Variants in STON2 observed in about 807,000 individuals in gnomAD.
STON2 encodes stonin 2.
A neutral mutation model predicts 65.7 loss-of-function variants in STON2; 29 were observed. That is an observed-to-expected ratio of 0.44 (90% confidence interval 0.33 to 0.60). STON2 has a LOEUF of 0.60. STON2 is among the 20% of genes least tolerant of loss of function. The pLI is 0.03. For synonymous variants in STON2, 404 were observed against 414.2 expected (o/e 0.98, Z 0.30); for missense variants, 1,054 against 1,118.1 (o/e 0.94, Z 0.82).
rs1224718076 is a variant in STON2 at position 81,263,610 on chromosome 14, G to C, written c.*4804C>G. ...GCCATGTTTTTAAAGCTCATCAGCT[G>C]TTGTTACTGTATTTTATGTGTGACC... On this transcript the variant is annotated 3_prime_UTR_variant, in exon 8 of 8. Transcript: ENST00000614646. The C allele has an allele frequency of 5.7e-6, 2 of 352,018 alleles. No homozygotes were observed. Among genetic ancestry groups the C allele is most frequent in the Non-Finnish European group, 7.9e-6 (2 of 251,908 alleles). 21.8% of individuals were successfully genotyped at this position (352,018 alleles called of 1,614,324 possible).
chr14:81,401,276 A>G (rs1175604316), upstream of STON2, among the ~76,000 whole-genome samples: 1 of 152,210 alleles, frequency 6.6e-6, no homozygotes, highest in Non-Finnish European at 1.5e-5. Context: ...TACCAAGACC[A>G]TTCCTCAGAA....
At chr14:81,321,233 T>C (rs538492937) in intron 5 of STON2, among the ~76,000 whole-genome samples, 1 of 152,046 alleles carries the variant, frequency 6.6e-6, no homozygotes, top group Non-Finnish European at 1.5e-5. Context: ...TCAAATTCTT[T>C]AAATGTTTAC....
At chr14:81,372,002 G>C (rs936263657) in intron 3 of STON2, among the ~76,000 whole-genome samples, 3 of 152,132 alleles carry the variant, frequency 2.0e-5, no homozygotes, top group Admixed American at 2.0e-4. Context: ...ACTGTAACTG[G>C]AGATTCTGCT....
At chr14:81,325,567 C>A (rs766516412) in intron 4 of STON2, among the ~76,000 whole-genome samples, 1 of 152,032 alleles carries the variant, frequency 6.6e-6, no homozygotes, top group Non-Finnish European at 1.5e-5. Context: ...CCAGAGGTAA[C>A]CACTGTTAGC....
intron 1 of STON2, among the ~76,000 whole-genome samples, chr14:81,434,931 T>C (rs1007385007): frequency 1.3e-5 from 2 of 152,154 alleles, no homozygotes; most frequent in East Asian, 3.8e-4. Context: ...ACTGGCATTT[T>C]TGCTGTGTGG....
chr14:81,287,772 C>T (rs1294330822), intron 5 of STON2, among the ~76,000 whole-genome samples: 1 of 152,190 alleles, frequency 6.6e-6, no homozygotes, highest in Non-Finnish European at 1.5e-5. Flanking sequence ...CTTCCCCATG[C>T]TCTCCCCAAT....
chr14:81,325,270 T>C (rs542166798), intron 4 of STON2, among the ~76,000 whole-genome samples: 3 of 152,260 alleles, frequency 2.0e-5, no homozygotes, highest in African/African-American at 7.2e-5. Context: ...AGGGGGAAAA[T>C]GTACTATATA....
chr14:81,406,426 A>G (rs980058113), intron 2 of STON2, among the ~76,000 whole-genome samples: 2 of 152,146 alleles, frequency 1.3e-5, no homozygotes, highest in African/African-American at 4.8e-5. Context: ...AAGTTGTATT[A>G]TTAGTATATT....
intron 5 of STON2, among the ~76,000 whole-genome samples, chr14:81,283,199 C>T (rs573718222): frequency 5.6e-4 from 85 of 152,016 alleles, no homozygotes; most frequent in Non-Finnish European, 1.1e-3. Context: ...AATGTTAGGC[C>T]GCAATCTATT....
rs1478521981 is a variant in STON2, at chr14:81,265,911, GCTGGGATGAGCTTCATTTCC to G, written c.*2483_*2502del. On this transcript the variant is annotated 3_prime_UTR_variant, in exon 8 of 8. Transcript: ENST00000614646. ...CTAAGCGTGAGTGACTAAGGAAGGT[GCTGGGATGAGCTTCATTTCC>G]CTTGCCAACTCTCCAATCCATTTAG... The G allele has an allele frequency of 4.1e-6, 4 of 985,224 alleles. No homozygotes were observed. The highest frequency in any genetic ancestry group is 4.8e-6 in the Non-Finnish European group (4 of 829,928). The allele number at this position is 985,224 out of a possible 1,614,324, so 61.0% of individuals were successfully genotyped here.
rs35945541 is a variant in STON2 at position 81,266,815 on chromosome 14, TAAACACACAC to T, written c.*1589_*1598del. 783,793 of 982,850 alleles carry T rather than the reference TAAACACACAC, an allele frequency of 0.8. 314,554 individuals carry two copies. Among genetic ancestry groups the T allele is most frequent in the African/African-American group, 0.95 (54,137 of 57,136 alleles). 60.9% of individuals were successfully genotyped at this position (982,850 alleles called of 1,614,324 possible). On this transcript the variant is annotated 3_prime_UTR_variant, in exon 8 of 8. Transcript: ENST00000614646. ...ACCGTTCCCATCAACACCACACACA[TAAACACACAC>T]AAACACACACATCCACAAACACACA...
intron 5 of STON2, among the ~76,000 whole-genome samples, chr14:81,281,126 T>C (rs770422852): frequency 1.3e-5 from 2 of 152,110 alleles, no homozygotes; most frequent in Non-Finnish European, 2.9e-5. Flanking sequence ...CGAAAAGCAT[T>C]TTCTATATCT....
chr14:81,304,328 C>A (rs1343004314), intron 5 of STON2, among the ~76,000 whole-genome samples: 1 of 152,176 alleles, frequency 6.6e-6, no homozygotes, highest in East Asian at 1.9e-4. Flanking sequence ...TTGATCCTTT[C>A]AACAACCCTG....
At chr14:81,268,883 G>A (rs1029890555) in intron 7 of STON2, among the ~76,000 whole-genome samples, 2 of 152,182 alleles carry the variant, frequency 1.3e-5, no homozygotes, top group Non-Finnish European at 2.9e-5. Context: ...CACAAGACAT[G>A]GGCAGGATCT....
chr14:81,270,229 G>T, intron 7 of STON2: 1 of 404,594 alleles, frequency 2.5e-6, no homozygotes, highest in Non-Finnish European at 3.3e-6. Flanking sequence ...TGGACTACAT[G>T]CACAGGCCAC....
At chr14:81,270,385 C>T (rs207475009) in intron 7 of STON2, 2 of 1,374,658 alleles carry the variant, frequency 1.5e-6, no homozygotes, top group African/African-American at 1.5e-5. Flanking sequence ...GTGCCTGGCC[C>T]CCATTATTCT....
chr14:81,352,574 C>T (rs1275142939), intron 4 of STON2, among the ~76,000 whole-genome samples: 2 of 152,154 alleles, frequency 1.3e-5, no homozygotes, highest in African/African-American at 4.8e-5. Context: ...CCTGAGGGCC[C>T]AGCCACAGGA....
rs770770407 is a variant in STON2, at chr14:81,413,721, G to A, written c.-199+13381C>T. 8.6e-5 allele frequency among the ~76,000 whole-genome samples: 12 copies of A among 139,006 alleles called. 3 individuals are homozygous for A. The highest frequency in any genetic ancestry group is 1.5e-4 in the Non-Finnish European group (10 of 66,818). 91.2% of individuals were successfully genotyped at this position (139,006 alleles called of 152,430 possible). On this transcript the variant is annotated intron_variant, in intron 2 of 8. Transcript: ENST00000553821. Reference sequence around the variant, plus strand: ...TGAGGCAGGAGAACTGCTTGAACCCGGGAGGTGGAGGTTGCAGTGGGCAGA... The same window carrying A: ...TGAGGCAGGAGAACTGCTTGAACCCAGGAGGTGGAGGTTGCAGTGGGCAGA...
chr14:81,341,446 G>GTT (rs748642462), intron 4 of STON2, among the ~76,000 whole-genome samples: 2,043 of 115,154 alleles, frequency 0.018, 60 homozygotes, highest in South Asian at 0.044. Flanking sequence ...TTTTATAAGT[G>GTT]TTTTTTTTTT....
Sources: allele counts gnomAD v4.1 joint callset (sites outside exome capture counted in the v4.1 genomes callset), GRCh38; gene constraint gnomAD v4.1.1; transcripts MANE v1.5; gene names NCBI Gene and HGNC (gene_info 2026-07-23, HGNC 2026-07-21).